INSC: variants seen among roughly 807,000 people sequenced by gnomAD.
The protein encoded by INSC is INSC spindle orientation adaptor protein.
A neutral mutation model predicts 58.6 loss-of-function variants in INSC; 67 were observed. That is an observed-to-expected ratio of 1.14 (90% confidence interval 0.94 to 1.40). INSC has a LOEUF of 1.40. Ranked by LOEUF, INSC falls within the 40% of genes most tolerant of loss-of-function variation. The pLI is 0.00. For synonymous variants in INSC, 262 were observed against 276.1 expected (o/e 0.95, Z 0.51); for missense variants, 714 against 692.0 (o/e 1.03, Z -0.36).
At chr11:15,195,741 G>A (rs1850347164) in intron 6 of INSC, among the ~76,000 whole-genome samples, 1 of 152,308 alleles carries the variant, frequency 6.6e-6, no homozygotes, top group African/African-American at 2.4e-5. Flanking sequence ...AAAGGCCTGG[G>A]TTGGGACAAG....
chr11:15,237,041 TG>T (rs1225633349), intron 10 of INSC, among the ~76,000 whole-genome samples: 1 of 152,186 alleles, frequency 6.6e-6, no homozygotes, highest in East Asian at 1.9e-4. Context: ...AATTTGAGAT[TG>T]GAATATCTGG....
Position 15,202,246 on chromosome 11 carries a change from G to A in INSC, c.819+1297G>A, listed in dbSNP as rs767096610. On this transcript the variant is annotated intron_variant, in intron 7 of 12. Transcript: ENST00000379556. ...GTTGCTATGAGCACTAGATTTGGAG[G>A]TGAGAAATCCATGCTTACTCCTTCA... is the stretch of plus-strand genomic sequence containing the variant. Among the ~76,000 whole-genome samples the A allele has an allele frequency of 2.2e-4, 34 of 152,276 alleles. No homozygotes were observed. In the South Asian group the frequency reaches 3.1e-3, roughly 14 times the overall value.
chr11:15,226,627 T>C (rs993104471), intron 9 of INSC, among the ~76,000 whole-genome samples: 6 of 152,168 alleles, frequency 3.9e-5, no homozygotes, highest in Admixed American at 3.9e-4. Flanking sequence ...TCAACTCAGC[T>C]TATCCCTGTC....
chr11:15,200,955 G>T lies in INSC; in HGVS notation c.819+6G>T. ...GTGTCCACCAGCTGGAGAAGGTAAG[G>T]ACAGCTGGCTGGGTGGTGCCTGAGG... On this transcript the variant is annotated splice_donor_region_variant and intron_variant, in intron 7 of 12. Transcript: ENST00000379556. The T allele has an allele frequency of 6.3e-7, 1 of 1,594,838 alleles. No homozygotes were observed. Among genetic ancestry groups the T allele is most frequent in the South Asian group, 1.1e-5 (1 of 88,678 alleles).
chr11:15,218,345 T>G (rs11023472), intron 7 of INSC, among the ~76,000 whole-genome samples: 39,451 of 151,990 alleles, frequency 0.26, 6,121 homozygotes, highest in East Asian at 0.74. Flanking sequence ...GTGGATACCT[T>G]CAATAAACCT....
chr11:15,119,202 G>A (rs1590325391), intron 1 of INSC, among the ~76,000 whole-genome samples: 1 of 152,220 alleles, frequency 6.6e-6, no homozygotes, highest in South Asian at 2.1e-4. Flanking sequence ...GGCCTTTCCA[G>A]CCTCAGCTGG....
chr11:15,160,801 G>A (rs1195270492), intron 2 of INSC, among the ~76,000 whole-genome samples: 4 of 152,168 alleles, frequency 2.6e-5, no homozygotes, highest in South Asian at 2.1e-4. Flanking sequence ...TTCTGAAACC[G>A]AAATAACAAC....
chr11:15,226,678 C>T (rs2133944974), intron 9 of INSC, among the ~76,000 whole-genome samples: 1 of 152,320 alleles, frequency 6.6e-6, no homozygotes, highest in East Asian at 1.9e-4. Flanking sequence ...CCAGGCTTAT[C>T]TCTTAACTGA....
chr11:15,119,472 G>A (rs532067269), intron 1 of INSC, among the ~76,000 whole-genome samples: 20 of 152,214 alleles, frequency 1.3e-4, no homozygotes, highest in Non-Finnish European at 2.9e-4. Flanking sequence ...AGTCTTGGAT[G>A]CTTTGAGGAT....
At chr11:15,135,835 G>T (rs2133714556) in intron 1 of INSC, among the ~76,000 whole-genome samples, 1 of 152,292 alleles carries the variant, frequency 6.6e-6, no homozygotes, top group Admixed American at 6.5e-5. Context: ...TTGGCTTACA[G>T]TTCTGGAGGC....
At chr11:15,223,438 T>C (rs1462049141) in intron 8 of INSC, among the ~76,000 whole-genome samples, 1 of 152,200 alleles carries the variant, frequency 6.6e-6, no homozygotes, top group Non-Finnish European at 1.5e-5. Context: ...TGGTGGGAAA[T>C]AGCCCTCCAA....
At chr11:15,122,348 A>G (rs1040812547) in intron 1 of INSC, among the ~76,000 whole-genome samples, 1 of 152,198 alleles carries the variant, frequency 6.6e-6, no homozygotes, top group Non-Finnish European at 1.5e-5. Flanking sequence ...AATTATTCAT[A>G]CAGTAATTAC....
chr11:15,157,086 T>C (rs1340325759), intron 2 of INSC, among the ~76,000 whole-genome samples: 1 of 152,222 alleles, frequency 6.6e-6, no homozygotes, highest in East Asian at 1.9e-4. Flanking sequence ...TCCATCAGAA[T>C]GCAATGAAAA....
At chr11:15,233,834 G>A (rs1377926935) in intron 9 of INSC, among the ~76,000 whole-genome samples, 1 of 152,074 alleles carries the variant, frequency 6.6e-6, no homozygotes, top group African/African-American at 2.4e-5. Context: ...CCTGTGTGGT[G>A]GAAACAGAGT....
intron 2 of INSC, among the ~76,000 whole-genome samples, chr11:15,152,083 T>G (rs1564871858): frequency 6.6e-6 from 1 of 152,190 alleles, no homozygotes; most frequent in Admixed American, 6.5e-5. Flanking sequence ...TAATTATTAT[T>G]ATCTATATTT....
chr11:15,172,790 G>A (rs541109927), intron 2 of INSC, among the ~76,000 whole-genome samples: 36 of 152,148 alleles, frequency 2.4e-4, no homozygotes, highest in Non-Finnish European at 4.1e-4. Flanking sequence ...TGGCAGGGGC[G>A]CTAGGAGTTG....
At chr11:15,257,822 G>T in the INSC span, among the ~76,000 whole-genome samples, 1 of 152,132 alleles carries the variant, frequency 6.6e-6, no homozygotes, top group Admixed American at 6.6e-5. Context: ...TTCAGAGGGA[G>T]CACAGCCCTG....
At chr11:15,185,350 C>T (rs548051831) in intron 5 of INSC, among the ~76,000 whole-genome samples, 21 of 152,088 alleles carry the variant, frequency 1.4e-4, no homozygotes, top group South Asian at 4.2e-4. Flanking sequence ...TATTCAATCA[C>T]GGATACATAA....
At chr11:15,179,891 G>C (rs1379765739) in intron 5 of INSC, among the ~76,000 whole-genome samples, 1 of 152,230 alleles carries the variant, frequency 6.6e-6, no homozygotes, top group East Asian at 1.9e-4. Context: ...CTGAGCAGGG[G>C]TACAGGTGCT....
Sources: allele counts gnomAD v4.1 joint callset (sites outside exome capture counted in the v4.1 genomes callset), GRCh38; gene constraint gnomAD v4.1.1; transcripts MANE v1.5; gene names NCBI Gene and HGNC (gene_info 2026-07-23, HGNC 2026-07-21).